Variants in STOX2 observed in about 807,000 individuals in gnomAD.
The protein encoded by STOX2 is storkhead box 2, also known as storkhead-box protein 2.
Under a neutral mutation model 60.9 loss-of-function variants are expected in STOX2, and 28 were observed. The observed-to-expected ratio is 0.46, with a 90% CI of 0.34 to 0.63. The LOEUF is 0.63. STOX2 is among the 30% of genes least tolerant of loss of function. The pLI is 0.01. For missense variants in STOX2, 1,024 were observed against 1,187.7 expected (o/e 0.86, Z 2.03); for synonymous variants, 472 against 463.9 (o/e 1.02, Z -0.22).
chr4:183,979,833 ATATATTGTTAGGTCT>A (rs751208828), intron 1 of STOX2, among the ~76,000 whole-genome samples: 2 of 152,102 alleles, frequency 1.3e-5, no homozygotes, highest in Non-Finnish European at 2.9e-5. Context: ...CAGATTCTAA[ATATATTGTTAGGTCT>A]TATATTTCAG....
At chr4:184,006,213 G>T (rs1451977893) in intron 2 of STOX2, among the ~76,000 whole-genome samples, 1 of 152,182 alleles carries the variant, frequency 6.6e-6, no homozygotes, top group Admixed American at 6.5e-5. Flanking sequence ...AGGAGCCATG[G>T]TAAACTGGTC....
At chr4:184,002,737 G>A (rs543687910) in intron 2 of STOX2, among the ~76,000 whole-genome samples, 4 of 152,334 alleles carry the variant, frequency 2.6e-5, no homozygotes, top group Non-Finnish European at 4.4e-5. Context: ...AAGGTGTGGG[G>A]AAGTGCACCC....
chr4:183,946,632 T>G (rs1017311437), intron 1 of STOX2, among the ~76,000 whole-genome samples: 1 of 149,396 alleles, frequency 6.7e-6, no homozygotes, highest in Admixed American at 6.6e-5. Flanking sequence ...TTGTGGTTTT[T>G]TTTTTTTTTT....
intron 1 of STOX2, among the ~76,000 whole-genome samples, chr4:183,828,296 T>C (rs1262112084): frequency 1.3e-5 from 2 of 152,024 alleles, no homozygotes; most frequent in African/African-American, 4.8e-5. Flanking sequence ...GTCATAAGTT[T>C]GGGTGAGTGA....
intron 1 of STOX2, among the ~76,000 whole-genome samples, chr4:183,950,103 T>C (rs1487554162): frequency 4.6e-5 from 7 of 152,234 alleles, no homozygotes; most frequent in Non-Finnish European, 8.8e-5. Context: ...ATTACACTCT[T>C]ATTAAATTAC....
rs1463763769 is a variant in STOX2, at chr4:183,825,503, A to G, written c.364+27448A>G. ...GGTGGCAGGCAACCTTCAATGGGTG[A>G]ATAGACGTTCCTTCAGGCCCAAGTG... On this transcript the variant is annotated intron_variant, in intron 1 of 2. Transcript: ENST00000513034. This position sits in a 1 kb window ranked among gnomAD's most constrained non-coding sequence, Gnocchi z 4.1. Among the ~76,000 whole-genome samples the G allele has an allele frequency of 6.6e-6, 1 of 152,158 alleles. No homozygotes were observed. The highest frequency in any genetic ancestry group is 2.4e-5 in the African/African-American group (1 of 41,438).
At position 184,009,537 on chromosome 4, in the gene STOX2, G is replaced by A. The variant is rs1385008839; in HGVS notation, c.699G>A (p.Gln233=). The part of the protein sequence containing the change: ...KDPYCPPSLC[Q]VPPTEKSKST... ...CTTACTGTCCCCCTTCTCTGTGCCAGGTGCCACCCACTGAAAAGAGCAAAA... is the reference window on the plus strand; with the variant it reads ...CTTACTGTCCCCCTTCTCTGTGCCAAGTGCCACCCACTGAAAAGAGCAAAA... The change falls in exon 3 of 4, where the codon CAG becomes CAA. Residue 233 remains glutamine, a synonymous_variant. Coordinates refer to ENST00000308497, the MANE Select transcript of STOX2 (RefSeq NM_020225.3). The surrounding 1 kb of genome is among the most constrained non-coding windows in gnomAD (Gnocchi z 4.0). 15 of 1,613,884 alleles carry A rather than the reference G, an allele frequency of 9.3e-6. No homozygotes were observed. Among genetic ancestry groups the A allele is most frequent in the Admixed American group, 1.7e-5 (1 of 60,000 alleles).
At chr4:183,819,003 C>A (rs1311438835) in intron 1 of STOX2, among the ~76,000 whole-genome samples, 4 of 152,000 alleles carry the variant, frequency 2.6e-5, no homozygotes, top group Non-Finnish European at 5.9e-5. Flanking sequence ...CGGGCAGAGA[C>A]CCTCCTCACT....
At chr4:183,969,956 C>T (rs1272463015) in intron 1 of STOX2, among the ~76,000 whole-genome samples, 1 of 152,072 alleles carries the variant, frequency 6.6e-6, no homozygotes, top group African/African-American at 2.4e-5. Flanking sequence ...ATTTACATAT[C>T]TTGTGTTGGG....
At chr4:183,984,703 T>C (rs1400167748) in intron 1 of STOX2, among the ~76,000 whole-genome samples, 1 of 152,238 alleles carries the variant, frequency 6.6e-6, no homozygotes, top group African/African-American at 2.4e-5. Context: ...GACGCTGCTA[T>C]TTAATCTGCT....
In STOX2 at chr4:184,009,856, G is replaced by A. The variant is rs1324472143; in HGVS notation, c.1018G>A (p.Glu340Lys). Reference sequence around the variant, plus strand: ...CGCGCTCATGAAGAAACTGGAAGAAGAAAAGGCCCAGAGGAGTAAAGCCGG... The same window carrying A: ...CGCGCTCATGAAGAAACTGGAAGAAAAAAAGGCCCAGAGGAGTAAAGCCGG... ...HTALMKKLEE[E>K]KAQRSKAGSS... Residue 340 changes from glutamate to lysine, a missense_variant, in exon 3 of 4, where the codon GAA (glutamate) becomes AAA (lysine). Glu to Lys is a moderately conservative substitution (Grantham distance 56, BLOSUM62 1). This residue lies in a region of STOX2 where 922 missense variants were observed against 1,058.3 expected (regional missense o/e 0.87). Coordinates refer to ENST00000308497, the MANE Select transcript of STOX2 (RefSeq NM_020225.3). The surrounding 1 kb of genome is among the most constrained non-coding windows in gnomAD (Gnocchi z 4.0). 2 of 1,611,708 alleles carry A rather than the reference G, an allele frequency of 1.2e-6. No homozygotes were observed. Among genetic ancestry groups the A allele is most frequent in the Non-Finnish European group, 1.7e-6 (2 of 1,179,016 alleles).
chr4:183,874,014 C>G (rs1740755436), intron 1 of STOX2, among the ~76,000 whole-genome samples: 1 of 152,222 alleles, frequency 6.6e-6, no homozygotes, highest in African/African-American at 2.4e-5. Context: ...ATCCTTTTCC[C>G]TACATGGGCT....
chr4:183,822,291 C>A (rs373639009), intron 1 of STOX2, among the ~76,000 whole-genome samples: 3 of 152,330 alleles, frequency 2.0e-5, no homozygotes, highest in African/African-American at 4.8e-5. Flanking sequence ...GGTCTCCAAC[C>A]TTTTTGGCAC....
Position 183,954,281 on chromosome 4 carries a change from T to TTTTTTG in STOX2, c.167-47026_167-47021dup, listed in dbSNP as rs6148836. 6.9e-3 allele frequency among the ~76,000 whole-genome samples: 1,037 copies of TTTTTTG among 150,816 alleles called. 13 individuals carry two copies. Among genetic ancestry groups the TTTTTTG allele is most frequent in the African/African-American group, 0.024 (965 of 40,900 alleles). ...TGTGCTATTCATTAGGGTTTTTTTG[T>TTTTTTG]TTTTTGTTTTTGTTTTTGTTTTTTT... On this transcript the variant is annotated intron_variant, in intron 1 of 3. Coordinates refer to ENST00000308497, the MANE Select transcript of STOX2 (RefSeq NM_020225.3).
chr4:184,013,181 G>T (rs887556634), intron 3 of STOX2, among the ~76,000 whole-genome samples: 7 of 152,226 alleles, frequency 4.6e-5, no homozygotes, highest in Admixed American at 3.9e-4. Context: ...GAGACATTGG[G>T]AGTAGTTTAA....
chr4:184,006,595 G>A (rs1317009056), intron 2 of STOX2, among the ~76,000 whole-genome samples: 1 of 148,326 alleles, frequency 6.7e-6, no homozygotes, highest in African/African-American at 2.5e-5. Context: ...ACTGAGGTGG[G>A]AGGATCACCT....
chr4:183,870,095 C>T (rs940825677), intron 1 of STOX2, among the ~76,000 whole-genome samples: 1 of 152,126 alleles, frequency 6.6e-6, no homozygotes, highest in African/African-American at 2.4e-5. Context: ...TCAGTACTTA[C>T]GATGAAATGA....
chr4:183,809,315 C>G (rs1428070531), intron 1 of STOX2, among the ~76,000 whole-genome samples: 1 of 152,194 alleles, frequency 6.6e-6, no homozygotes, highest in Non-Finnish European at 1.5e-5. Context: ...GTCTCGAACT[C>G]TTCCTCAAGT....
At chr4:183,827,135 C>G (rs1275268574) in intron 1 of STOX2, among the ~76,000 whole-genome samples, 1 of 152,154 alleles carries the variant, frequency 6.6e-6, no homozygotes, top group African/African-American at 2.4e-5. Context: ...GCTGCAACCA[C>G]CGTATTTTTA....
Sources: allele counts gnomAD v4.1 joint callset (sites outside exome capture counted in the v4.1 genomes callset), GRCh38; gene constraint gnomAD v4.1.1; regional missense constraint gnomAD v4.1.1; non-coding constraint Gnocchi (gnomAD v3.1); transcripts MANE v1.5; gene names NCBI Gene and HGNC (gene_info 2026-07-23, HGNC 2026-07-21).